The following SLC43A3 variants were observed in gnomAD, a reference collection of about 807,000 sequenced individuals.
SLC43A3 encodes equilibrative nucleobase transporter 1.
Under a neutral mutation model 53.3 loss-of-function variants are expected in SLC43A3, and 33 were observed. The ratio of observed to expected loss-of-function variants is 0.62; its 90% CI spans 0.47 to 0.83. The LOEUF (loss-of-function observed/expected upper bound fraction) is 0.83, where lower values mean the gene tolerates loss of function less well. Among genes scored for constraint, SLC43A3 ranks in the 40% least tolerant of loss-of-function variants. SLC43A3 has a pLI of 0.00. For missense variants in SLC43A3, 530 were observed against 610.0 expected (o/e 0.87, Z 1.38); for synonymous variants, 236 against 246.2 (o/e 0.96, Z 0.39).
intron 9 of SLC43A3, among the ~76,000 whole-genome samples, chr11:57,415,804 T>G (rs1189438747): frequency 1.3e-5 from 2 of 152,278 alleles, no homozygotes; most frequent in East Asian, 3.9e-4. Flanking sequence ...AATTGTCAGA[T>G]GGTAAAAATA....
intron 1 of SLC43A3, 70 bp from the exon 2 acceptor site, chr11:57,426,722 G>C (rs1478294753): frequency 6.5e-6 from 1 of 153,010 alleles, no homozygotes; most frequent in East Asian, 1.9e-4. Context: ...ACAAACTCCC[G>C]CTGCCAAGTT....
At chr11:57,422,328 G>T (rs1216222740) in intron 5 of SLC43A3, among the ~76,000 whole-genome samples, 2 of 152,176 alleles carry the variant, frequency 1.3e-5, no homozygotes, top group Non-Finnish European at 2.9e-5. Context: ...ACCTTAGAAT[G>T]TTCAAAGCCT....
chr11:57,422,472 G>C (rs1310246254), intron 5 of SLC43A3, among the ~76,000 whole-genome samples: 1 of 152,170 alleles, frequency 6.6e-6, no homozygotes, highest in African/African-American at 2.4e-5. Context: ...GTTTGTTAGT[G>C]TAGTTCACGT....
chr11:57,417,321 T>C (rs984093801), intron 8 of SLC43A3, among the ~76,000 whole-genome samples: 1 of 152,228 alleles, frequency 6.6e-6, no homozygotes, highest in Non-Finnish European at 1.5e-5. Flanking sequence ...AGAACGCTTG[T>C]GCATTTCTGC....
intron 7 of SLC43A3, 31 bp from the exon 8 acceptor site, chr11:57,417,918 A>T: frequency 6.2e-7 from 1 of 1,609,394 alleles, no homozygotes; most frequent in Non-Finnish European, 8.5e-7. Flanking sequence ...AGTCAGTGTC[A>T]CACCCACGTT....
At chr11:57,414,847 T>G in intron 10 of SLC43A3, 86 bp downstream of exon 10, 1 of 1,553,512 alleles carries the variant, frequency 6.4e-7, no homozygotes, top group Non-Finnish European at 8.9e-7. Flanking sequence ...CATCAGACCC[T>G]CCTCTGGTGT....
At chr11:57,419,296 A>G (rs1252828504) in intron 7 of SLC43A3, among the ~76,000 whole-genome samples, 1 of 152,208 alleles carries the variant, frequency 6.6e-6, no homozygotes, top group African/African-American at 2.4e-5. Context: ...GGTGACTGGT[A>G]TGACATCAAA....
chr11:57,423,663 C>T (rs1031619663), intron 5 of SLC43A3: 1 of 228,164 alleles, frequency 4.4e-6, no homozygotes, highest in African/African-American at 2.2e-5. Flanking sequence ...CTCCTGACCT[C>T]AGATGATCCA....
Position 57,417,890 on chromosome 11 carries a change from G to T in SLC43A3, c.532-3C>A, listed in dbSNP as rs765971848. The T allele has an allele frequency of 1.9e-6, 3 of 1,613,776 alleles. No individual in the cohort carries two copies. Among genetic ancestry groups the T allele is most frequent in the South Asian group, 2.2e-5 (2 of 91,076 alleles). On this transcript the variant is annotated splice_polypyrimidine_tract_variant and splice_region_variant and intron_variant, in intron 7 of 13. Transcript: ENST00000395124. ...CTGATGCCTTTTTCATAAAGAAGCT[G>T]CAGAAGGAGAAGGAAAAAGTCAGTG... is the stretch of plus-strand genomic sequence containing the variant.
At chr11:57,416,533 T>G (rs1478974371) in intron 9 of SLC43A3, 40 bp downstream of exon 9, 3 of 1,530,136 alleles carry the variant, frequency 2.0e-6, no homozygotes, top group African/African-American at 2.7e-5. Flanking sequence ...AAGGAGAGGC[T>G]TGGGTCTGGA....
intron 9 of SLC43A3, chr11:57,415,321 G>A (rs1294719696): frequency 6.6e-7 from 1 of 1,518,310 alleles, no homozygotes. Flanking sequence ...ATGACCCTCT[G>A]TGTTCTTCTC....
At chr11:57,408,722 C>A (rs1451957703) in intron 13 of SLC43A3, 1 of 160,916 alleles carries the variant, frequency 6.2e-6, no homozygotes, top group Admixed American at 5.8e-5. Context: ...TGCTCCTTAG[C>A]TGGTGCCTCT....
intron 11 of SLC43A3, among the ~76,000 whole-genome samples, chr11:57,410,388 T>C (rs1460496785): frequency 1.3e-5 from 2 of 152,138 alleles, no homozygotes; most frequent in South Asian, 2.1e-4. Flanking sequence ...TACCATTAAC[T>C]CAGTCATGGA....
At position 57,407,805 on chromosome 11, in the gene SLC43A3, G is replaced by A. The variant is rs1942267604; in HGVS notation, c.1463C>T (p.Ser488Phe). 1.2e-6 allele frequency: 2 copies of A among 1,608,266 alleles called. No homozygotes were observed. The highest frequency in any genetic ancestry group is 8.5e-7 in the Non-Finnish European group (1 of 1,174,660). Residue 488 changes from serine (S) to phenylalanine (F), a missense_variant, in exon 14 of 14, where the codon TCT becomes TTT. By Grantham distance (155) the Ser-to-Phe change is radical. Coordinates refer to ENST00000395124, the MANE Select transcript of SLC43A3 (RefSeq NM_199329.3). ...RECRTWKESP[S>F]AIA ...AGGGCTTCTGAACTATGCAATTGCA[G>A]AGGGACTTTCTTTCCAAGTACGGCA...
intron 13 of SLC43A3, chr11:57,408,380 A>G (rs961971756): frequency 1.9e-5 from 3 of 157,450 alleles, no homozygotes; most frequent in Non-Finnish European, 4.2e-5. Context: ...CAGGCAACAT[A>G]GCGAAACCCC....
At chr11:57,417,725 C>A in intron 8 of SLC43A3, 23 bp downstream of exon 8, 1 of 1,613,612 alleles carries the variant, frequency 6.2e-7, no homozygotes, top group Non-Finnish European at 8.5e-7. Flanking sequence ...GGCTCTGGCC[C>A]ACAATCACCA....
chr11:57,421,366 G>A lies in SLC43A3; in HGVS notation c.369C>T (p.Ala123=), dbSNP rs184546097. ...TTGGCATGGCCAGGAAGAGCAGCAC[G>A]GCTGAGCCTGGACCATCAAAGTCAG... ...LIIAFTSAGS[A]VLLFLAMPML... is the part of the protein sequence containing the mutation. The change falls in exon 6 of 14, where the codon GCC becomes GCT. Residue 123 remains alanine, a synonymous_variant. Transcript: ENST00000395124. 30 of 1,613,598 alleles carry A rather than the reference G, an allele frequency of 1.9e-5. 1 individual carries two copies. The highest frequency in any genetic ancestry group is 2.7e-5 in the African/African-American group (2 of 75,008).
intron 5 of SLC43A3, among the ~76,000 whole-genome samples, chr11:57,422,538 C>T (rs1041530996): frequency 2.0e-5 from 3 of 152,234 alleles, no homozygotes; most frequent in Admixed American, 2.0e-4. Flanking sequence ...TTAAGAAGCA[C>T]TGCCAAGAGC....
chr11:57,419,840 C>A (rs1368478829), intron 7 of SLC43A3, among the ~76,000 whole-genome samples: 2 of 150,354 alleles, frequency 1.3e-5, no homozygotes, highest in Admixed American at 1.3e-4. Context: ...AAAGATGAGG[C>A]AGCCATCTGG....
Sources: gnomAD v4.1 joint callset for allele counts (sites outside exome capture counted in the v4.1 genomes callset) on GRCh38, gnomAD v4.1.1 for gene constraint, MANE v1.5 for transcripts, NCBI Gene and HGNC (gene_info 2026-07-23, HGNC 2026-07-21) for gene names.